Variants in BABAM2 observed in about 807,000 individuals in gnomAD.
The protein encoded by BABAM2 is BRISC and BRCA1-A complex member 2.
Under a neutral mutation model 54.7 loss-of-function variants are expected in BABAM2, and 31 were observed. That is an observed-to-expected ratio of 0.57 (90% CI 0.43 to 0.77). The LOEUF (loss-of-function observed/expected upper bound fraction) is 0.77. Among genes scored for constraint, BABAM2 ranks in the 30% least tolerant of loss-of-function variants. The pLI, the probability that BABAM2 is intolerant of heterozygous loss-of-function variation, is 0.00. For synonymous variants in BABAM2, 167 were observed against 162.9 expected, an observed-to-expected ratio of 1.03 and a Z score of -0.19; for missense variants, 364 against 455.8, an observed-to-expected ratio of 0.80 and a Z score of 1.83.
At chr2:27,904,139 A>G (rs1156835187) in intron 2 of BABAM2, among the ~76,000 whole-genome samples, 1 of 152,222 alleles carries the variant, frequency 6.6e-6, no homozygotes, top group Admixed American at 6.5e-5. Context: ...CAGAGTTGGA[A>G]GGTGTGAGAA....
intron 6 of BABAM2, among the ~76,000 whole-genome samples, chr2:28,125,117 T>A (rs1177640314): frequency 6.6e-6 from 1 of 152,138 alleles, no homozygotes; most frequent in Non-Finnish European, 1.5e-5. Flanking sequence ...AGTAAAAAGT[T>A]GCTCAGCCTC....
At chr2:28,324,744 A>G (rs1572419909) in intron 11 of BABAM2, among the ~76,000 whole-genome samples, 1 of 152,180 alleles carries the variant, frequency 6.6e-6, no homozygotes, top group East Asian at 1.9e-4. Context: ...GCAGTGAGCC[A>G]AGATTGCACC....
At chr2:27,927,111 T>C (rs552568151) in intron 2 of BABAM2, among the ~76,000 whole-genome samples, 1 of 152,186 alleles carries the variant, frequency 6.6e-6, no homozygotes, top group Non-Finnish European at 1.5e-5. Context: ...TTTAATACAC[T>C]GAGGTTGCTG....
chr2:28,310,350 C>T (rs867065009), intron 11 of BABAM2: 216 of 534,548 alleles, frequency 4.0e-4, no homozygotes, highest in African/African-American at 3.6e-3. Flanking sequence ...CTCCTGGCTC[C>T]CCTGGGGGAG....
At chr2:27,986,854 G>T (rs1223780723) in intron 3 of BABAM2, among the ~76,000 whole-genome samples, 1 of 152,118 alleles carries the variant, frequency 6.6e-6, no homozygotes, top group East Asian at 1.9e-4. Flanking sequence ...CAATATGTGT[G>T]TTAGATTGTC....
chr2:28,249,768 G>A (rs2148096750), intron 10 of BABAM2, among the ~76,000 whole-genome samples: 1 of 152,134 alleles, frequency 6.6e-6, no homozygotes, highest in South Asian at 2.1e-4. Context: ...AGCCTCCCAA[G>A]TAGCTGGAAC....
At chr2:28,011,186 G>A (rs1309942615) in intron 4 of BABAM2, among the ~76,000 whole-genome samples, 1 of 152,304 alleles carries the variant, frequency 6.6e-6, no homozygotes, top group African/African-American at 2.4e-5. Context: ...TGAAACAATG[G>A]ATGTTTACTA....
intron 5 of BABAM2, among the ~76,000 whole-genome samples, chr2:28,039,323 G>T (rs978552335): frequency 1.3e-5 from 2 of 152,192 alleles, no homozygotes; most frequent in Non-Finnish European, 2.9e-5. Context: ...CTACCAAGCA[G>T]GGTTTTGGGA....
intron 7 of BABAM2, among the ~76,000 whole-genome samples, chr2:28,212,460 C>G (rs1046734726): frequency 6.6e-6 from 1 of 152,160 alleles, no homozygotes; most frequent in African/African-American, 2.4e-5. Context: ...TTTACCCTCT[C>G]CCTCATCAGA....
intron 3 of BABAM2, among the ~76,000 whole-genome samples, chr2:27,970,479 T>C (rs940980529): frequency 1.3e-5 from 2 of 152,220 alleles, no homozygotes; most frequent in African/African-American, 4.8e-5. Flanking sequence ...GATATAGATA[T>C]ATAGTTTACA....
intron 10 of BABAM2, among the ~76,000 whole-genome samples, chr2:28,281,660 C>T (rs1228624412): frequency 6.6e-6 from 1 of 152,212 alleles, no homozygotes; most frequent in Non-Finnish European, 1.5e-5. Context: ...TAATTCTTCT[C>T]CAGTTAGTAC....
intron 7 of BABAM2, among the ~76,000 whole-genome samples, chr2:28,182,740 A>G (rs945294422): frequency 2.6e-5 from 4 of 152,352 alleles, no homozygotes; most frequent in African/African-American, 9.6e-5. Flanking sequence ...CGTTACTTTA[A>G]AAACGAATGT....
intron 6 of BABAM2, among the ~76,000 whole-genome samples, chr2:28,062,427 G>GTGGTGCGT (rs2148643138): frequency 6.6e-6 from 1 of 150,696 alleles, no homozygotes; most frequent in Non-Finnish European, 1.5e-5. Flanking sequence ...GCCTGGTGTG[G>GTGGTGCGT]TGGTGCGTGC....
intron 7 of BABAM2, among the ~76,000 whole-genome samples, chr2:28,219,547 G>C (rs143003249): frequency 6.7e-4 from 102 of 152,078 alleles, no homozygotes; most frequent in African/African-American, 2.4e-3. Context: ...AAAATTCATA[G>C]CTTCCAGAAA....
At chr2:28,326,819 CGTGCCATTAGGAT>C (rs1367513456) in intron 11 of BABAM2, among the ~76,000 whole-genome samples, 5 of 152,214 alleles carry the variant, frequency 3.3e-5, no homozygotes. Context: ...CCTATGCTAA[CGTGCCATTAGGAT>C]ACGCAGTGTC....
intron 3 of BABAM2, among the ~76,000 whole-genome samples, chr2:27,975,263 C>T (rs1273209026): frequency 1.3e-5 from 2 of 151,826 alleles, no homozygotes; most frequent in East Asian, 1.9e-4. Context: ...TTAAAATTTA[C>T]GTGGGAAGCA....
At chr2:27,981,491 A>C (rs1035190786) in intron 3 of BABAM2, among the ~76,000 whole-genome samples, 1 of 152,194 alleles carries the variant, frequency 6.6e-6, no homozygotes, top group Non-Finnish European at 1.5e-5. Flanking sequence ...AGCTTGTACC[A>C]GTTAGCAGTC....
chr2:28,140,461 C>T lies in BABAM2; in HGVS notation c.680+11081C>T, dbSNP rs571906578. On this transcript the variant is annotated intron_variant, in intron 7 of 11. Coordinates refer to ENST00000379624, the MANE Select transcript of BABAM2 (RefSeq NM_199191.3). ...ATGGTGGAATTATTCTCTGTTGTCA[C>T]GGTGAATATACAACTCTACATATTT... Among the ~76,000 whole-genome samples, 88 of 152,084 alleles carry T rather than the reference C, an allele frequency of 5.8e-4. No homozygotes were observed. In the South Asian group the frequency reaches 0.015, roughly 27 times the overall value.
intron 3 of BABAM2, among the ~76,000 whole-genome samples, chr2:27,972,395 G>A (rs1671282059): frequency 6.6e-6 from 1 of 152,208 alleles, no homozygotes. Flanking sequence ...AAGGAACAGA[G>A]TGTGGTATCT....
Sources: allele counts gnomAD v4.1 joint callset (sites outside exome capture counted in the v4.1 genomes callset), GRCh38; gene constraint gnomAD v4.1.1; transcripts MANE v1.5; gene names NCBI Gene and HGNC (gene_info 2026-07-23, HGNC 2026-07-21).